The following EPHA6 variants were observed in gnomAD, a reference collection of about 807,000 sequenced individuals.
EPHA6 encodes ephrin type-A receptor 6.
In EPHA6, 50 loss-of-function variants were observed where a neutral mutation model predicts 112.0. That is an observed-to-expected ratio of 0.45 (90% CI 0.36 to 0.56). The LOEUF (loss-of-function observed/expected upper bound fraction) is 0.56, where lower values mean the gene tolerates loss of function less well. EPHA6 is among the 20% of genes least tolerant of loss of function. EPHA6 has a pLI of 0.00. For missense variants in EPHA6, 1,280 were observed against 1,417.4 expected, an observed-to-expected ratio of 0.90 and a Z score of 1.56; for synonymous variants, 529 against 490.7, an observed-to-expected ratio of 1.08 and a Z score of -1.03.
At chr3:97,478,437 T>C (rs773302869) in intron 8 of EPHA6, among the ~76,000 whole-genome samples, 2 of 152,118 alleles carry the variant, frequency 1.3e-5, no homozygotes, top group Non-Finnish European at 2.9e-5. Flanking sequence ...GCAGAATAGA[T>C]ATACCACTTC....
At chr3:97,230,097 G>A (rs760084658) in intron 4 of EPHA6, among the ~76,000 whole-genome samples, 13 of 152,100 alleles carry the variant, frequency 8.5e-5, no homozygotes, top group Non-Finnish European at 1.8e-4. Context: ...TTACAGACCT[G>A]TCAGGCATGT....
chr3:97,564,550 A>G (rs1360827510), intron 11 of EPHA6, among the ~76,000 whole-genome samples: 1 of 152,148 alleles, frequency 6.6e-6, no homozygotes, highest in African/African-American at 2.4e-5. Context: ...TTAAGGGTCG[A>G]CTTTTAAAGA....
intron 5 of EPHA6, among the ~76,000 whole-genome samples, chr3:97,306,544 A>G (rs2081328218): frequency 6.6e-6 from 1 of 151,618 alleles, no homozygotes; most frequent in Non-Finnish European, 1.5e-5. Flanking sequence ...TTACTTTCCC[A>G]TAACCTTGCA....
chr3:97,682,527 T>C (rs913421580), intron 14 of EPHA6, among the ~76,000 whole-genome samples: 2 of 152,126 alleles, frequency 1.3e-5, no homozygotes, highest in East Asian at 3.8e-4. Flanking sequence ...AATTTTACAA[T>C]GCTGAGCAAG....
intron 15 of EPHA6, among the ~76,000 whole-genome samples, chr3:97,722,912 C>A (rs2034595104): frequency 1.3e-5 from 2 of 152,014 alleles, no homozygotes; most frequent in Non-Finnish European, 2.9e-5. Flanking sequence ...CATTTAGTAA[C>A]CATGGCCACA....
chr3:96,855,902 G>T (rs972174736), intron 1 of EPHA6, among the ~76,000 whole-genome samples: 1 of 152,084 alleles, frequency 6.6e-6, no homozygotes, highest in African/African-American at 2.4e-5. Context: ...TAGAACTGCA[G>T]TATATTTACC....
At chr3:97,142,078 A>G (rs1333436248) in intron 3 of EPHA6, among the ~76,000 whole-genome samples, 1 of 151,984 alleles carries the variant, frequency 6.6e-6, no homozygotes, top group African/African-American at 2.4e-5. Flanking sequence ...TTTACAAACG[A>G]TAGTAAGTCT....
rs1230142923 is a variant in EPHA6, at chr3:97,320,796, C to T, written c.1606+76509C>T. The stretch of plus-strand genomic sequence containing the variant: ...TGATGGGGCAGCTTATTTACTACAT[C>T]GTTCTGTGTTCTCTGGGGGCAAAAA... On this transcript the variant is annotated intron_variant, in intron 5 of 17. Transcript: ENST00000389672. Among the ~76,000 whole-genome samples, 16 of 134,608 alleles carry T rather than the reference C, an allele frequency of 1.2e-4. No homozygotes were observed. In the South Asian group the frequency reaches 3.1e-3, roughly 26 times the overall value. 88.3% of individuals were successfully genotyped at this position (134,608 alleles called of 152,430 possible).
chr3:97,640,501 C>G (rs907532685), intron 14 of EPHA6, among the ~76,000 whole-genome samples: 1 of 151,974 alleles, frequency 6.6e-6, no homozygotes, highest in Non-Finnish European at 1.5e-5. Flanking sequence ...CACGGTGGCT[C>G]GCGCCTGTTA....
chr3:97,024,794 C>G (rs1220577293), intron 3 of EPHA6, among the ~76,000 whole-genome samples: 1 of 151,956 alleles, frequency 6.6e-6, no homozygotes, highest in Non-Finnish European at 1.5e-5. Flanking sequence ...TTTTTCCTTC[C>G]TATTTTAGTG....
intron 7 of EPHA6, among the ~76,000 whole-genome samples, chr3:97,454,555 GGGTAA>G (rs2090622837): frequency 6.6e-6 from 1 of 151,648 alleles, no homozygotes; most frequent in Non-Finnish European, 1.5e-5. Context: ...GCTTTATTTT[GGGTAA>G]CAAGCTATAA....
chr3:97,544,452 A>G (rs181223472), intron 11 of EPHA6, among the ~76,000 whole-genome samples: 34 of 152,298 alleles, frequency 2.2e-4, no homozygotes, highest in Admixed American at 2.2e-3. Flanking sequence ...CCACTTGATC[A>G]TGGTGGATAA....
chr3:96,963,225 T>G (rs530412034), intron 2 of EPHA6, among the ~76,000 whole-genome samples: 41 of 150,620 alleles, frequency 2.7e-4, no homozygotes, highest in African/African-American at 1.0e-3. Flanking sequence ...CAAACCAACT[T>G]AAAAGGGTAA....
intron 6 of EPHA6, among the ~76,000 whole-genome samples, chr3:97,417,174 T>C (rs1321684281): frequency 2.6e-5 from 4 of 152,126 alleles, no homozygotes; most frequent in African/African-American, 9.7e-5. Context: ...ATATATGTCA[T>C]TTGCTAAGTA....
At chr3:97,099,932 G>T (rs778266334) in intron 3 of EPHA6, among the ~76,000 whole-genome samples, 1 of 151,944 alleles carries the variant, frequency 6.6e-6, no homozygotes, top group Non-Finnish European at 1.5e-5. Context: ...AGTCTACCTT[G>T]ACCAATAGAT....
intron 1 of EPHA6, among the ~76,000 whole-genome samples, chr3:96,829,982 C>T (rs6777303): frequency 0.065 from 9,584 of 148,198 alleles, 950 homozygotes; most frequent in African/African-American, 0.21. Flanking sequence ...CACACACACA[C>T]ACACACAGAA....
At chr3:97,342,188 A>T (rs947931273) in intron 5 of EPHA6, among the ~76,000 whole-genome samples, 2 of 152,220 alleles carry the variant, frequency 1.3e-5, no homozygotes, top group Non-Finnish European at 2.9e-5. Context: ...ACTGGAACTC[A>T]TAGCAAATAT....
At chr3:97,715,532 AC>A (rs1378779944) in intron 14 of EPHA6, among the ~76,000 whole-genome samples, 1 of 152,194 alleles carries the variant, frequency 6.6e-6, no homozygotes, top group African/African-American at 2.4e-5. Context: ...CAAACCGTTC[AC>A]CTTCAAGATA....
intron 5 of EPHA6, among the ~76,000 whole-genome samples, chr3:97,283,233 G>A (rs560513985): frequency 6.6e-6 from 1 of 152,206 alleles, no homozygotes; most frequent in South Asian, 2.1e-4. Flanking sequence ...AGCACATTAT[G>A]TAAAGTGACA....
Sources: gnomAD v4.1 joint callset for allele counts (sites outside exome capture counted in the v4.1 genomes callset) on GRCh38, gnomAD v4.1.1 for gene constraint, MANE v1.5 for transcripts, NCBI Gene and HGNC (gene_info 2026-07-23, HGNC 2026-07-21) for gene names.